CREB3L1: variants seen among roughly 807,000 people sequenced by gnomAD.
The protein encoded by CREB3L1 is cyclic AMP-responsive element-binding protein 3-like protein 1.
A neutral mutation model predicts 54.5 loss-of-function variants in CREB3L1; 33 were observed. The ratio of observed to expected loss-of-function variants is 0.61; its 90% CI spans 0.46 to 0.81. The LOEUF is 0.81. CREB3L1 is among the 30% of genes least tolerant of loss of function. The probability of loss-of-function intolerance (pLI) is 0.00; values close to 1 mark genes in which losing one functional copy is unlikely to be tolerated. For missense variants in CREB3L1, 656 were observed against 673.3 expected, an observed-to-expected ratio of 0.97 and a Z score of 0.29; for synonymous variants, 284 against 286.4, an observed-to-expected ratio of 0.99 and a Z score of 0.08.
intron 1 of CREB3L1, among the ~76,000 whole-genome samples, chr11:46,287,158 C>T (rs1939066584): frequency 6.6e-6 from 1 of 152,216 alleles, no homozygotes. Context: ...CCTCTCCAAG[C>T]TTATTTTCCT....
chr11:46,283,644 C>T (rs55798544), intron 1 of CREB3L1, among the ~76,000 whole-genome samples: 1 of 151,938 alleles, frequency 6.6e-6, no homozygotes, highest in Admixed American at 6.6e-5. Flanking sequence ...CTTTGGGAGG[C>T]GGAGGCAGGG....
rs200179867 is a variant in CREB3L1 at position 46,308,387 on chromosome 11, C to CA, written c.516+395dup. On this transcript the variant is annotated intron_variant, in intron 3 of 11. Transcript: ENST00000621158. ...AGAAAAAAGACCAAAAAGGAAATTA[C>CA]AAAAAAAAGTGTGCTATATTCCAAT... 9.4e-3 allele frequency among the ~76,000 whole-genome samples: 1,435 copies of CA among 152,112 alleles called. 17 individuals carry two copies. The highest frequency in any genetic ancestry group is 0.033 in the African/African-American group (1,379 of 41,496).
At chr11:46,301,165 G>C (rs1032015030) in intron 2 of CREB3L1, among the ~76,000 whole-genome samples, 1 of 148,420 alleles carries the variant, frequency 6.7e-6, no homozygotes, top group Non-Finnish European at 1.5e-5. Context: ...GCGAAACTCC[G>C]TCTCAAAAAA....
intron 1 of CREB3L1, among the ~76,000 whole-genome samples, chr11:46,280,837 G>A (rs1006705931): frequency 2.6e-5 from 4 of 152,188 alleles, no homozygotes; most frequent in African/African-American, 9.7e-5. Flanking sequence ...GGTTAAGGAT[G>A]GGTAGGGATG....
At chr11:46,305,996 C>G (rs1939391170) in intron 2 of CREB3L1, among the ~76,000 whole-genome samples, 1 of 151,792 alleles carries the variant, frequency 6.6e-6, no homozygotes, top group Non-Finnish European at 1.5e-5. Context: ...CTTAGCCTCC[C>G]AAAGTGTTGG....
chr11:46,292,030 C>A (rs1203367111), intron 1 of CREB3L1, among the ~76,000 whole-genome samples: 1 of 152,220 alleles, frequency 6.6e-6, no homozygotes, highest in Non-Finnish European at 1.5e-5. Flanking sequence ...GCCGAGAGAG[C>A]AGCCCTGGCG....
intron 3 of CREB3L1, 85 bp downstream of exon 3, chr11:46,308,085 C>A: frequency 8.0e-7 from 1 of 1,243,414 alleles, no homozygotes; most frequent in Non-Finnish European, 1.1e-6. Context: ...GCCCTGTGCC[C>A]TGGGGCTCTG....
chr11:46,320,827 G>A lies in CREB3L1; in HGVS notation c.*81G>A, dbSNP rs760390922. On this transcript the variant is annotated 3_prime_UTR_variant, in exon 12 of 12. Coordinates refer to ENST00000621158, the MANE Select transcript of CREB3L1 (RefSeq NM_052854.4). ...TTGCTCACTAACCCGGATCCGCCTC[G>A]TGCCCCTGCCTCCTGGAGCTTCCCA... 3.7e-5 allele frequency: 53 copies of A among 1,444,752 alleles called. 1 individual carries two copies. The highest frequency in any genetic ancestry group is 3.4e-4 in the Middle Eastern group (2 of 5,806). The allele number at this position is 1,444,752 out of a possible 1,614,324, so 89.5% of individuals were successfully genotyped here.
intron 3 of CREB3L1, 130 bp downstream of exon 3, chr11:46,308,130 G>A (rs1220161996): frequency 1.2e-6 from 1 of 866,684 alleles, no homozygotes; most frequent in Non-Finnish European, 1.7e-6. Flanking sequence ...GGCTGAGGGT[G>A]GGAAGCCCCC....
intron 1 of CREB3L1, among the ~76,000 whole-genome samples, chr11:46,283,291 G>A (rs1384713859): frequency 1.3e-5 from 2 of 152,188 alleles, no homozygotes; most frequent in African/African-American, 4.8e-5. Context: ...GTATTTTTCA[G>A]ATGGTCTGTA....
chr11:46,289,095 C>G (rs1939098051), intron 1 of CREB3L1, among the ~76,000 whole-genome samples: 2 of 152,004 alleles, frequency 1.3e-5, no homozygotes, highest in South Asian at 4.1e-4. Flanking sequence ...GGATGAAATC[C>G]GGCCAGGCGC....
chr11:46,316,417 A>T (rs1444871173), intron 9 of CREB3L1, 32 bp downstream of exon 9: 3 of 1,380,916 alleles, frequency 2.2e-6, no homozygotes, highest in Non-Finnish European at 2.0e-6. Flanking sequence ...ACAGACCCAC[A>T]GGAGGAGAGT....
intron 2 of CREB3L1, among the ~76,000 whole-genome samples, chr11:46,307,286 C>T (rs1276946315): frequency 6.6e-6 from 1 of 152,126 alleles, no homozygotes; most frequent in Non-Finnish European, 1.5e-5. Flanking sequence ...GATGGGATTT[C>T]GCCATGTTTC....
chr11:46,289,434 A>C (rs2136338196), intron 1 of CREB3L1, among the ~76,000 whole-genome samples: 1 of 152,290 alleles, frequency 6.6e-6, no homozygotes, highest in Non-Finnish European at 1.5e-5. Flanking sequence ...GGTAACGTTT[A>C]GAAGGACAGC....
chr11:46,292,224 G>A lies in CREB3L1; in HGVS notation c.103-7711G>A, dbSNP rs556563178. Among the ~76,000 whole-genome samples the A allele has an allele frequency of 1.0e-3, 158 of 152,306 alleles. No homozygotes were observed. In the Middle Eastern group the frequency reaches 0.014, roughly 13 times the overall value. Reference sequence around the variant, plus strand: ...ACAGCGGCCCCACTAGGGAGGAGCCGAGGGAAGGGGTCCAAACACATGGAA... The same window carrying A: ...ACAGCGGCCCCACTAGGGAGGAGCCAAGGGAAGGGGTCCAAACACATGGAA... On this transcript the variant is annotated intron_variant, in intron 1 of 11. Transcript: ENST00000621158.
intron 2 of CREB3L1, among the ~76,000 whole-genome samples, chr11:46,307,026 G>A (rs976401479): frequency 6.6e-6 from 1 of 151,832 alleles, no homozygotes; most frequent in African/African-American, 2.4e-5. Flanking sequence ...TAACAGGCAC[G>A]TGCCGCCACA....
chr11:46,319,194 C>A (rs1435121116), intron 10 of CREB3L1, among the ~76,000 whole-genome samples: 1 of 152,236 alleles, frequency 6.6e-6, no homozygotes, highest in African/African-American at 2.4e-5. Context: ...CACATCCCAG[C>A]AGGCAGATGG....
At position 46,280,623 on chromosome 11, in the gene CREB3L1, C is replaced by T. The variant is rs557224053; in HGVS notation, c.102+2410C>T. ...ATGTAGCACAATGCCTGGCATGTAA[C>T]GTTCATCGTTGGCTTGATCCATAGA... On this transcript the variant is annotated intron_variant, in intron 1 of 11. Coordinates refer to ENST00000621158, the MANE Select transcript of CREB3L1 (RefSeq NM_052854.4). Among the ~76,000 whole-genome samples, 58 of 152,254 alleles carry T rather than the reference C, an allele frequency of 3.8e-4. No individual in the cohort carries two copies. In the Middle Eastern group the frequency reaches 0.01, roughly 27 times the overall value.
At chr11:46,287,494 T>C (rs931059757) in intron 1 of CREB3L1, among the ~76,000 whole-genome samples, 1 of 152,018 alleles carries the variant, frequency 6.6e-6, no homozygotes, top group Non-Finnish European at 1.5e-5. Context: ...AAGATGTTTT[T>C]TTTGCCATGT....
Sources: allele counts gnomAD v4.1 joint callset (sites outside exome capture counted in the v4.1 genomes callset), GRCh38; gene constraint gnomAD v4.1.1; transcripts MANE v1.5; gene names NCBI Gene and HGNC (gene_info 2026-07-23, HGNC 2026-07-21).